Variants in KANK2 observed in about 807,000 individuals in gnomAD.
KANK2 encodes KN motif and ankyrin repeat domain-containing protein 2.
KANK2 carries 41 observed loss-of-function variants against 74.6 expected under a neutral mutation model. The ratio of observed to expected loss-of-function variants is 0.55; its 90% confidence interval spans 0.43 to 0.71. The LOEUF is 0.71. Among genes scored for constraint, KANK2 ranks in the 30% least tolerant of loss-of-function variants. KANK2 has a pLI of 0.00. For synonymous variants in KANK2, 537 were observed against 519.0 expected (o/e 1.03, Z -0.47); for missense variants, 1,148 against 1,196.4 (o/e 0.96, Z 0.60).
chr19:11,186,346 C>T (rs920593225), intron 4 of KANK2, among the ~76,000 whole-genome samples: 5 of 151,930 alleles, frequency 3.3e-5, no homozygotes, highest in Non-Finnish European at 4.4e-5. Context: ...CAAGATCGCG[C>T]CACCGCACTC....
chr19:11,196,694 G>C (rs1322174611), intron 1 of KANK2: 1 of 152,594 alleles, frequency 6.6e-6, no homozygotes, highest in Admixed American at 6.5e-5. Context: ...GGGGTGTGGT[G>C]GGGGAGATGG....
In KANK2 at chr19:11,170,250, TG is replaced by T; in HGVS notation, c.2212-3del. The T allele has an allele frequency of 6.2e-7, 1 of 1,608,792 alleles. No homozygotes were observed. On this transcript the variant is annotated splice_region_variant and splice_polypyrimidine_tract_variant and intron_variant, in intron 10 of 12. Coordinates refer to ENST00000586659, the MANE Select transcript of KANK2 (RefSeq NM_001136191.3). The surrounding 1 kb of genome is among the most constrained non-coding windows in gnomAD (Gnocchi z 5.2). ...CAGCATCAGGGCCGTCTGTCCTGCC[TG>T]GGGAGGGCAAGGAACAGGATTATGG...
At chr19:11,173,747 C>A (rs1302491670) in intron 9 of KANK2, among the ~76,000 whole-genome samples, 1 of 152,074 alleles carries the variant, frequency 6.6e-6, no homozygotes, top group African/African-American at 2.4e-5. Flanking sequence ...GCATCTCCCC[C>A]ATAAGACCAG....
At chr19:11,176,464 T>G in intron 7 of KANK2, 114 bp downstream of exon 7, 17 of 1,215,286 alleles carry the variant, frequency 1.4e-5, no homozygotes, top group Non-Finnish European at 1.9e-5. Flanking sequence ...TAATTCAGAC[T>G]AAAGTGTGCA....
chr19:11,174,346 C>G, intron 9 of KANK2, 127 bp downstream of exon 9: 1 of 767,370 alleles, frequency 1.3e-6, no homozygotes, highest in East Asian at 2.7e-5. Flanking sequence ...CTCTATTATA[C>G]TGAGAAGGCC....
chr19:11,174,536 TGTTGCC>T lies in KANK2; in HGVS notation c.1999_2004del (p.Gly667_Asn668del). 6.2e-7 allele frequency: 1 copy of T among 1,613,726 alleles called. No homozygotes were observed. Among genetic ancestry groups the T allele is most frequent in the Non-Finnish European group, 8.5e-7 (1 of 1,179,860 alleles). ...TGAGACACGGAGTAGTGCAGGGCTG[TGTTGCC>T]GTTGCTGTCGGCGATGTTGACCACG... On this transcript the variant is annotated inframe_deletion, in exon 9 of 13. Coordinates refer to ENST00000586659, the MANE Select transcript of KANK2 (RefSeq NM_001136191.3).
At chr19:11,176,107 A>C in intron 7 of KANK2, 118 bp from the exon 8 acceptor site, 1 of 688,604 alleles carries the variant, frequency 1.5e-6, no homozygotes, top group Non-Finnish European at 2.5e-6. Context: ...GGCATCTCAG[A>C]CCCTCCTTCA....
chr19:11,177,210 C>T (rs2147455807), intron 6 of KANK2, among the ~76,000 whole-genome samples: 1 of 149,532 alleles, frequency 6.7e-6, no homozygotes, highest in African/African-American at 2.5e-5. Context: ...CCTGAGCCTT[C>T]CAAATACCTG....
At position 11,174,595 on chromosome 19, in the gene KANK2, C is replaced by T. The variant is rs747504807; in HGVS notation, c.1946G>A (p.Arg649Gln). ...GTCCAGCAGCCGCGCAGACATGGCC[C>T]GGAACGTGACCAGGTGCCGCCGCAC... ...ELVRRHLVTF[R>Q]AMSARLLDYV... The change falls in exon 9 of 13, where the codon CGG becomes CAG. Residue 649 changes from arginine (R) to glutamine (Q), a missense_variant. By Grantham distance (43) the Arg-to-Gln change is conservative (BLOSUM62 1). Coordinates refer to ENST00000586659, the MANE Select transcript of KANK2 (RefSeq NM_001136191.3). 1.7e-5 allele frequency: 28 copies of T among 1,612,956 alleles called. No individual in the cohort carries two copies. The East Asian group carries it at 1.8e-4, about 10-fold the overall frequency.
chr19:11,172,853 C>G, intron 10 of KANK2, 128 bp downstream of exon 10: 1 of 983,642 alleles, frequency 1.0e-6, no homozygotes. Context: ...GGTCCTGTGT[C>G]AGAGACAGCC....
In KANK2 at chr19:11,192,965, C is replaced by G. The variant is rs1426220811; in HGVS notation, c.1115G>C (p.Arg372Thr). 6.2e-7 allele frequency: 1 copy of G among 1,614,174 alleles called. No individual in the cohort carries two copies. Among genetic ancestry groups the G allele is most frequent in the Admixed American group, 1.7e-5 (1 of 60,038 alleles). The change falls in exon 4 of 13, where the codon AGG (arginine) becomes ACG (threonine). Residue 372 changes from arginine to threonine, a missense_variant. Physicochemically the swap from Arg to Thr is moderately conservative, Grantham distance 71 (BLOSUM62 -1). Transcript: ENST00000586659. ...GCGGAACACAGGTGGGCTCTCAGGC[C>G]TACCAGGCATTGCCAGGGCCCTCAG... ...TGLRALAMPG[R>T]PESPPVFRSQ...
rs899142809 is a variant in KANK2 at position 11,193,792 on chromosome 19, G to A, written c.288C>T (p.Arg96=). The part of the protein sequence containing the change: ...SLCSNASGDS[R]HSAYSYCGRG... ...GGCCGCAGTAGGAATAGGCTGAGTG[G>A]CGGCTGTCCCCACTGGCATTGGAGC... Residue 96 remains arginine, a synonymous_variant, in exon 4 of 13, where the codon CGC becomes CGT. Transcript: ENST00000586659. This position sits in a 1 kb window ranked among gnomAD's most constrained non-coding sequence, Gnocchi z 9.6. 11 of 1,612,572 alleles carry A rather than the reference G, an allele frequency of 6.8e-6. No homozygotes were observed. The highest frequency in any genetic ancestry group is 9.3e-6 in the Non-Finnish European group (11 of 1,179,710).
At chr19:11,167,545 T>G (rs74828890) in intron 12 of KANK2, among the ~76,000 whole-genome samples, 1 of 149,724 alleles carries the variant, frequency 6.7e-6, no homozygotes, top group Non-Finnish European at 1.5e-5. Context: ...TTTTTTTTTT[T>G]GAGGCGGAAT....
chr19:11,170,326 G>T lies in KANK2; in HGVS notation c.2212-78C>A, dbSNP rs1308351874. On this transcript the variant is annotated intron_variant, in intron 10 of 12. Coordinates refer to ENST00000586659, the MANE Select transcript of KANK2 (RefSeq NM_001136191.3). The surrounding 1 kb of genome is among the most constrained non-coding windows in gnomAD (Gnocchi z 5.2). ...ACCCCCTGGTCTAGAACCTGCTGTA[G>T]CTCCCACATACTCTGATGGTGAAAT... 6 of 1,148,384 alleles carry T rather than the reference G, an allele frequency of 5.2e-6. No homozygotes were observed. Among genetic ancestry groups the T allele is most frequent in the Non-Finnish European group, 7.6e-6 (6 of 786,536 alleles). 71.1% of individuals were successfully genotyped at this position (1,148,384 alleles called of 1,614,324 possible).
intron 6 of KANK2, 34 bp downstream of exon 6, chr19:11,178,311 G>C (rs540899916): frequency 6.8e-6 from 5 of 737,744 alleles, no homozygotes; most frequent in Non-Finnish European, 3.8e-6. Context: ...GGGGCGGGAA[G>C]TATGGGGTGG....
intron 4 of KANK2, among the ~76,000 whole-genome samples, chr19:11,188,168 G>A (rs1412644225): frequency 6.6e-6 from 1 of 152,058 alleles, no homozygotes; most frequent in African/African-American, 2.4e-5. Context: ...GCTGAGGAAT[G>A]AGATGAACTC....
intron 10 of KANK2, among the ~76,000 whole-genome samples, chr19:11,172,569 C>T (rs555800421): frequency 5.9e-5 from 9 of 152,276 alleles, no homozygotes; most frequent in East Asian, 3.9e-4. Context: ...AATCAGGCCA[C>T]GCCACTTCCC....
intron 4 of KANK2, chr19:11,192,439 T>TTC: frequency 5.2e-6 from 1 of 192,220 alleles, no homozygotes; most frequent in Non-Finnish European, 1.1e-5. Flanking sequence ...TTCTTTTTTT[T>TTC]TTTTTTTTTT....
chr19:11,174,722 G>C (rs1182389028), intron 8 of KANK2, 30 bp from the exon 9 acceptor site: 1 of 1,527,958 alleles, frequency 6.5e-7, no homozygotes, highest in African/African-American at 1.4e-5. Flanking sequence ...GAGAGGATGT[G>C]AGGGCGGGGG....
Sources: allele counts gnomAD v4.1 joint callset (sites outside exome capture counted in the v4.1 genomes callset), GRCh38; gene constraint gnomAD v4.1.1; non-coding constraint Gnocchi (gnomAD v3.1); transcripts MANE v1.5; gene names NCBI Gene and HGNC (gene_info 2026-07-23, HGNC 2026-07-21).